CNOT6: variants seen among roughly 807,000 people sequenced by gnomAD.
CNOT6 encodes CCR4-NOT transcription complex subunit 6.
Under a neutral mutation model 61.2 loss-of-function variants are expected in CNOT6, and 12 were observed. The ratio of observed to expected loss-of-function variants is 0.20; its 90% CI spans 0.13 to 0.32. CNOT6 has a LOEUF of 0.32. CNOT6 is among the 10% of genes least tolerant of loss of function. The probability of loss-of-function intolerance (pLI) is 1.00; values close to 1 mark genes in which losing one functional copy is unlikely to be tolerated. For missense variants in CNOT6, 405 were observed against 663.9 expected (o/e 0.61, Z 4.28); for synonymous variants, 225 against 240.6 (o/e 0.94, Z 0.60).
At chr5:180,561,748 A>C (rs1382389037) in intron 4 of CNOT6, among the ~76,000 whole-genome samples, 1 of 152,138 alleles carries the variant, frequency 6.6e-6, no homozygotes, top group East Asian at 1.9e-4. Context: ...TGGAGGTGGT[A>C]GTTTTGGCTC....
chr5:180,517,293 T>G (rs527966741), intron 1 of CNOT6, among the ~76,000 whole-genome samples: 1 of 152,238 alleles, frequency 6.6e-6, no homozygotes, highest in African/African-American at 2.4e-5. Flanking sequence ...CATGCCCAGC[T>G]AAATTTTGTA....
In CNOT6 at chr5:180,552,434, G is replaced by T. The variant is rs1013743515; in HGVS notation, c.300-952G>T. Among the ~76,000 whole-genome samples the T allele has an allele frequency of 5.9e-4, 90 of 151,874 alleles. 1 individual carries two copies. Among genetic ancestry groups the T allele is most frequent in the African/African-American group, 1.1e-3 (45 of 41,492 alleles). ...AGGCGGGCGGATCACAAAGTCTGGA[G>T]ATCGAGACCATCCTGGCTAACACGG... On this transcript the variant is annotated intron_variant, in intron 3 of 11. Coordinates refer to ENST00000261951, the MANE Select transcript of CNOT6 (RefSeq NM_001370472.1).
In CNOT6 at chr5:180,565,821, C is replaced by T. The variant is rs1760420911; in HGVS notation, c.561C>T (p.Ala187=). The T allele has an allele frequency of 2.5e-6, 4 of 1,578,542 alleles. No individual in the cohort carries two copies. Among genetic ancestry groups the T allele is most frequent in the Non-Finnish European group, 3.5e-6 (4 of 1,158,650 alleles). The change falls in exon 7 of 12, where the codon GCC becomes GCT. Residue 187 remains alanine, a splice_region_variant and synonymous_variant. Coordinates refer to ENST00000261951, the MANE Select transcript of CNOT6 (RefSeq NM_001370472.1). ...LQEPDRTRPT[A]LFSVMCYNVL... The stretch of plus-strand genomic sequence containing the variant: ...TAAGTAAAGTTATCTTTCCTACAGC[C>T]TTGTTTTCTGTCATGTGCTATAATG...
chr5:180,512,934 C>T (rs956763783), intron 1 of CNOT6, among the ~76,000 whole-genome samples: 3 of 149,616 alleles, frequency 2.0e-5, no homozygotes, highest in Non-Finnish European at 3.0e-5. Flanking sequence ...CTTGCTCTGT[C>T]GCCCAGGCTG....
chr5:180,516,882 T>A (rs866848124), intron 1 of CNOT6, among the ~76,000 whole-genome samples: 12 of 152,298 alleles, frequency 7.9e-5, no homozygotes, highest in African/African-American at 2.4e-4. Flanking sequence ...TTTGGTGTCA[T>A]TTGGCCAGTT....
At chr5:180,546,096 A>T (rs1157556388) in intron 2 of CNOT6, among the ~76,000 whole-genome samples, 1 of 151,914 alleles carries the variant, frequency 6.6e-6, no homozygotes, top group African/African-American at 2.4e-5. Flanking sequence ...GGGTTTCACC[A>T]TGTTGGCCAG....
chr5:180,528,099 T>A (rs1431859469), intron 1 of CNOT6, among the ~76,000 whole-genome samples: 1 of 152,226 alleles, frequency 6.6e-6, no homozygotes, highest in African/African-American at 2.4e-5. Flanking sequence ...ACTATCCATT[T>A]AAAAATTTTC....
intron 4 of CNOT6, among the ~76,000 whole-genome samples, chr5:180,564,100 G>A (rs1419340296): frequency 2.6e-5 from 4 of 152,142 alleles, no homozygotes; most frequent in African/African-American, 4.8e-5. Context: ...GATGCATTAC[G>A]CTGGCTTTCA....
chr5:180,496,912 C>T (rs1675455844), intron 1 of CNOT6, among the ~76,000 whole-genome samples: 2 of 152,162 alleles, frequency 1.3e-5, no homozygotes, highest in South Asian at 4.1e-4. Context: ...CAAAGTAAAA[C>T]TACAATTATT....
At chr5:180,543,549 A>C (rs1462966039) in intron 2 of CNOT6, among the ~76,000 whole-genome samples, 1 of 152,158 alleles carries the variant, frequency 6.6e-6, no homozygotes. Flanking sequence ...TATATTTCTA[A>C]TTTTCCCCAA....
chr5:180,511,409 A>C (rs985996934), intron 1 of CNOT6, among the ~76,000 whole-genome samples: 6 of 152,120 alleles, frequency 3.9e-5, no homozygotes, highest in Non-Finnish European at 8.8e-5. Context: ...CAGGAGATCG[A>C]GACCATCCTG....
intron 3 of CNOT6, among the ~76,000 whole-genome samples, chr5:180,551,198 C>T (rs529488375): frequency 2.6e-5 from 4 of 151,268 alleles, no homozygotes; most frequent in Admixed American, 1.3e-4. Flanking sequence ...AAAAAAAAAT[C>T]CCCAGATAAT....
chr5:180,538,340 G>T (rs1427030571), intron 2 of CNOT6, among the ~76,000 whole-genome samples: 1 of 142,524 alleles, frequency 7.0e-6, no homozygotes, highest in Non-Finnish European at 1.6e-5. Context: ...CACCTGGCCG[G>T]AACATCATCT....
chr5:180,505,137 T>C (rs925161581), intron 1 of CNOT6, among the ~76,000 whole-genome samples: 7 of 149,068 alleles, frequency 4.7e-5, no homozygotes, highest in Non-Finnish European at 5.9e-5. Flanking sequence ...TTTTTTTGTA[T>C]TTTTAGTAGA....
At position 180,504,955 on chromosome 5, in the gene CNOT6, A is replaced by ATTTTTTTTTTTT. The variant is rs769852255; in HGVS notation, c.-3+10203_-3+10214dup. Among the ~76,000 whole-genome samples, 11 of 101,492 alleles carry ATTTTTTTTTTTT rather than the reference A, an allele frequency of 1.1e-4. 1 individual carries two copies. Among genetic ancestry groups the ATTTTTTTTTTTT allele is most frequent in the African/African-American group, 2.4e-4 (6 of 25,392 alleles). The allele number at this position is 101,492 out of a possible 152,430, so 66.6% of individuals were successfully genotyped here. ...AATGAAAGTTCTGAGGTACTAGTTA[A>ATTTTTTTTTTTT]TTTTTTTTTTTTTTTTTTTTTTGAG... On this transcript the variant is annotated intron_variant, in intron 1 of 11. Coordinates refer to ENST00000261951, the MANE Select transcript of CNOT6 (RefSeq NM_001370472.1).
chr5:180,502,285 T>TA (rs941907923), intron 1 of CNOT6, among the ~76,000 whole-genome samples: 2 of 152,026 alleles, frequency 1.3e-5, no homozygotes, highest in Non-Finnish European at 2.9e-5. Context: ...TCAAAAACAA[T>TA]AAAAAAAACT....
chr5:180,503,722 C>T lies in CNOT6; in HGVS notation c.-3+8959C>T, dbSNP rs184108560. Among the ~76,000 whole-genome samples, 17 of 150,654 alleles carry T rather than the reference C, an allele frequency of 1.1e-4. No individual in the cohort carries two copies. In the East Asian group the frequency reaches 2.6e-3, roughly 23 times the overall value. On this transcript the variant is annotated intron_variant, in intron 1 of 11. Transcript: ENST00000261951. The stretch of plus-strand genomic sequence containing the variant: ...CCGGGTTCAAGCGATTCCCTTGCCT[C>T]AGCCTCCCGAGTAGCTGGGACTACA...
intron 2 of CNOT6, among the ~76,000 whole-genome samples, chr5:180,549,250 A>G (rs940171329): frequency 5.9e-5 from 9 of 152,296 alleles, no homozygotes; most frequent in African/African-American, 1.9e-4. Context: ...AGATAGTAGA[A>G]TTTGTGTTAT....
intron 1 of CNOT6, among the ~76,000 whole-genome samples, chr5:180,503,418 C>T (rs1439726635): frequency 4.6e-5 from 7 of 151,774 alleles, no homozygotes; most frequent in Non-Finnish European, 1.5e-5. Flanking sequence ...TACGCGCCAC[C>T]ATGCCTGGCT....
Sources: gnomAD v4.1 joint callset for allele counts (sites outside exome capture counted in the v4.1 genomes callset) on GRCh38, gnomAD v4.1.1 for gene constraint, MANE v1.5 for transcripts, NCBI Gene and HGNC (gene_info 2026-07-23, HGNC 2026-07-21) for gene names.